STK33: variants seen among roughly 807,000 people sequenced by gnomAD.
The protein encoded by STK33 is serine/threonine kinase 33.
In STK33, 52 loss-of-function variants were observed where a neutral mutation model predicts 58.0. The observed-to-expected ratio is 0.90, with a 90% CI of 0.72 to 1.13. The LOEUF is 1.13. STK33 is among the 50% of genes most tolerant of loss of function. The pLI, the probability that STK33 is intolerant of heterozygous loss-of-function variation, is 0.00. For synonymous variants in STK33, 215 were observed against 200.1 expected (o/e 1.07, Z -0.63); for missense variants, 630 against 604.2 (o/e 1.04, Z -0.45).
At chr11:8,344,709 G>A in the STK33 span, among the ~76,000 whole-genome samples, 41,873 of 152,110 alleles carry the variant, frequency 0.28, 6,023 homozygotes, top group South Asian at 0.43. Context: ...TTCCTTCTAG[G>A]GTGTGGAAAG....
At chr11:8,334,902 G>T in the STK33 span, among the ~76,000 whole-genome samples, 1 of 152,196 alleles carries the variant, frequency 6.6e-6, no homozygotes, top group Non-Finnish European at 1.5e-5. Flanking sequence ...CCTGGCCCTG[G>T]GTTGGGCACC....
At chr11:8,344,754 T>G in the STK33 span, among the ~76,000 whole-genome samples, 1 of 152,252 alleles carries the variant, frequency 6.6e-6, no homozygotes, top group African/African-American at 2.4e-5. Flanking sequence ...TGCACACCCC[T>G]TTGCCTGAGA....
intron 1 of STK33, among the ~76,000 whole-genome samples, chr11:8,570,698 AGAG>A (rs1291982910): frequency 6.6e-6 from 1 of 152,226 alleles, no homozygotes; most frequent in Non-Finnish European, 1.5e-5. Context: ...CTGAGAATGC[AGAG>A]GAGGGCCGAG....
At chr11:8,517,688 C>T (rs148853145) in intron 1 of STK33, among the ~76,000 whole-genome samples, 10 of 152,120 alleles carry the variant, frequency 6.6e-5, no homozygotes, top group Admixed American at 2.0e-4. Context: ...AACTACGTGA[C>T]GCATGCACAA....
At chr11:8,545,464 C>T (rs1015560876) in intron 1 of STK33, among the ~76,000 whole-genome samples, 9 of 152,126 alleles carry the variant, frequency 5.9e-5, no homozygotes, top group African/African-American at 1.9e-4. Context: ...AAGGAAAATA[C>T]AAATTTAAGA....
chr11:8,411,771 T>A (rs1281174234), intron 15 of STK33, among the ~76,000 whole-genome samples: 1 of 152,068 alleles, frequency 6.6e-6, no homozygotes, highest in Non-Finnish European at 1.5e-5. Flanking sequence ...TATGGAAAAA[T>A]TTTTCCTGTC....
chr11:8,575,823 A>C (rs1348888706), intron 1 of STK33, among the ~76,000 whole-genome samples: 10 of 152,184 alleles, frequency 6.6e-5, no homozygotes, highest in African/African-American at 2.4e-4. Flanking sequence ...TAACGTTTGA[A>C]AATCAATCTA....
chr11:8,386,479 A>G, the STK33 span, among the ~76,000 whole-genome samples: 3 of 152,222 alleles, frequency 2.0e-5, no homozygotes, highest in African/African-American at 7.2e-5. Flanking sequence ...CTTTTCTTCC[A>G]AAGTTCCAAA....
the STK33 span, among the ~76,000 whole-genome samples, chr11:8,338,881 C>T: frequency 6.6e-6 from 1 of 152,210 alleles, no homozygotes; most frequent in Admixed American, 6.5e-5. Context: ...AGCCCAGGGC[C>T]TGGCTCCAAG....
chr11:8,480,638 T>C (rs1949719512), intron 1 of STK33, 24 bp from the exon 2 acceptor site: 2 of 152,096 alleles, frequency 1.3e-5, no homozygotes, highest in South Asian at 2.1e-4. Context: ...AGATAAAAAA[T>C]AGAAGAAAAA....
At chr11:8,515,695 A>G (rs538448935) in intron 1 of STK33, among the ~76,000 whole-genome samples, 6 of 152,346 alleles carry the variant, frequency 3.9e-5, no homozygotes, top group Admixed American at 2.6e-4. Flanking sequence ...AAACCAATCA[A>G]TGTGATACAC....
At chr11:8,448,926 C>T (rs1945886422) in intron 11 of STK33, among the ~76,000 whole-genome samples, 1 of 150,096 alleles carries the variant, frequency 6.7e-6, no homozygotes, top group South Asian at 2.1e-4. Flanking sequence ...TGAACTCAAA[C>T]AAATTTACAA....
intron 15 of STK33, among the ~76,000 whole-genome samples, chr11:8,394,421 T>C (rs1307310051): frequency 6.6e-6 from 1 of 152,238 alleles, no homozygotes; most frequent in Non-Finnish European, 1.5e-5. Flanking sequence ...GGATTTTGAG[T>C]TATCATCCAA....
At position 8,448,220 on chromosome 11, in the gene STK33, T is replaced by C. The variant is rs571464193; in HGVS notation, c.871+4602A>G. Among the ~76,000 whole-genome samples, 574 of 152,284 alleles carry C rather than the reference T, an allele frequency of 3.8e-3. 3 individuals are homozygous for C. The highest frequency in any genetic ancestry group is 0.013 in the African/African-American group (546 of 41,558). On this transcript the variant is annotated intron_variant, in intron 11 of 15. Coordinates refer to ENST00000687296, the MANE Select transcript of STK33 (RefSeq NM_001352389.2). ...TGGCCATACTGTCCAAGGTAATTTA[T>C]AGATTCAATGCCATCCCCATCAAGC...
intron 1 of STK33, among the ~76,000 whole-genome samples, chr11:8,531,398 C>T (rs1954537760): frequency 6.6e-6 from 1 of 152,230 alleles, no homozygotes; most frequent in Admixed American, 6.5e-5. Flanking sequence ...ATTATGCTCA[C>T]AGATGCTTTA....
intron 1 of STK33, among the ~76,000 whole-genome samples, chr11:8,532,581 T>C (rs183106691): frequency 4.2e-4 from 64 of 152,342 alleles, no homozygotes; most frequent in Non-Finnish European, 7.5e-4. Flanking sequence ...ATTCGCTCCA[T>C]TGGTTAAGGT....
chr11:8,566,955 A>G (rs1018740091), intron 1 of STK33, among the ~76,000 whole-genome samples: 6 of 152,090 alleles, frequency 3.9e-5, no homozygotes, highest in Admixed American at 6.5e-5. Flanking sequence ...CCTGGGCAAC[A>G]TGGTGAAACC....
intron 10 of STK33, 131 bp downstream of exon 10, chr11:8,454,606 ATTTTTAT>A: frequency 9.5e-7 from 1 of 1,054,462 alleles, no homozygotes; most frequent in Non-Finnish European, 1.3e-6. Flanking sequence ...CTCTTGTGAA[ATTTTTAT>A]TTTTTAGCAC....
the STK33 span, among the ~76,000 whole-genome samples, chr11:8,359,600 C>T: frequency 6.6e-6 from 1 of 152,194 alleles, no homozygotes; most frequent in Non-Finnish European, 1.5e-5. Flanking sequence ...CCTCCTCAGT[C>T]ACTTGCCTCC....
Sources: allele counts gnomAD v4.1 joint callset (sites outside exome capture counted in the v4.1 genomes callset), GRCh38; gene constraint gnomAD v4.1.1; transcripts MANE v1.5; gene names NCBI Gene and HGNC (gene_info 2026-07-23, HGNC 2026-07-21).